SRGAP2B: variants seen among roughly 807,000 people sequenced by gnomAD.
SRGAP2B encodes the protein SLIT-ROBO Rho GTPase activating protein 2B, also known as SLIT-ROBO Rho GTPase-activating protein 2B.
A neutral mutation model predicts 22.2 loss-of-function variants in SRGAP2B; 9 were observed. The ratio of observed to expected loss-of-function variants is 0.41; its 90% CI spans 0.24 to 0.71. SRGAP2B has a LOEUF of 0.71. Ranked by LOEUF, SRGAP2B falls within the 30% of genes least tolerant of loss-of-function variation. The pLI, the probability that SRGAP2B is intolerant of heterozygous loss-of-function variation, is 0.35. For synonymous variants in SRGAP2B, 36 were observed against 87.4 expected (o/e 0.41, Z 3.28); for missense variants, 114 against 235.8 (o/e 0.48, Z 3.38).
At chr1:145,008,981 C>T (rs1203311667) in intron 2 of SRGAP2B, among the ~76,000 whole-genome samples, 1 of 148,850 alleles carries the variant, frequency 6.7e-6, no homozygotes, top group Non-Finnish European at 1.5e-5. Flanking sequence ...ACCATCCTGG[C>T]TAACACAGTG....
chr1:144,907,817 A>G (rs1307959986), intron 5 of SRGAP2B, among the ~76,000 whole-genome samples: 2 of 150,290 alleles, frequency 1.3e-5, no homozygotes, highest in Non-Finnish European at 2.9e-5. Context: ...GATCAGCTAG[A>G]GGCAGACGAA....
intron 4 of SRGAP2B, among the ~76,000 whole-genome samples, chr1:144,944,426 T>C (rs1280362904): frequency 1.3e-5 from 2 of 149,142 alleles, no homozygotes; most frequent in Middle Eastern, 3.4e-3. Context: ...CGAGACCCCA[T>C]CTCTAAAAAA....
intron 4 of SRGAP2B, among the ~76,000 whole-genome samples, chr1:144,923,039 A>G (rs2101786431): frequency 6.6e-6 from 1 of 151,044 alleles, no homozygotes; most frequent in South Asian, 2.1e-4. Context: ...GTCTCTTGTC[A>G]GGGACAGGCA....
At chr1:144,955,010 C>CT in intron 4 of SRGAP2B, among the ~76,000 whole-genome samples, 1 of 150,696 alleles carries the variant, frequency 6.6e-6, no homozygotes, top group Admixed American at 6.6e-5. Flanking sequence ...TCAAAAATCA[C>CT]TTTAAGAAAA....
intron 4 of SRGAP2B, among the ~76,000 whole-genome samples, chr1:144,920,800 G>C (rs1664189103): frequency 6.6e-6 from 1 of 150,804 alleles, no homozygotes; most frequent in Non-Finnish European, 1.5e-5. Flanking sequence ...ACATACAAAA[G>C]TCTGTACTTG....
chr1:144,969,892 A>G lies in SRGAP2B; in HGVS notation c.261-14291T>C, dbSNP rs587683483. Among the ~76,000 whole-genome samples, 121 of 151,030 alleles carry G rather than the reference A, an allele frequency of 8.0e-4. 3 individuals are homozygous for G. The highest frequency in any genetic ancestry group is 2.7e-3 in the African/African-American group (110 of 40,506). ...TTTATGCAGCCAAAAAACACATGAA[A>G]AAATGCTCATCATCACTGGCCATCA... is the stretch of plus-strand genomic sequence containing the variant. On this transcript the variant is annotated intron_variant, in intron 3 of 9. Coordinates refer to ENST00000612199, the Ensembl canonical transcript of SRGAP2B.
At chr1:145,031,651 TC>T (rs1553626094) in intron 2 of SRGAP2B, among the ~76,000 whole-genome samples, 1 of 141,246 alleles carries the variant, frequency 7.1e-6, no homozygotes, top group East Asian at 2.0e-4. Flanking sequence ...ATCGAGACCA[TC>T]CTGGCTAACA....
intron 2 of SRGAP2B, among the ~76,000 whole-genome samples, chr1:145,066,653 G>A (rs587721641): frequency 4.0e-5 from 6 of 151,610 alleles, no homozygotes; most frequent in African/African-American, 7.3e-5. Flanking sequence ...TACTGTGAGC[G>A]CCCAGGCCGT....
At chr1:145,022,986 G>A (rs1553624374) in intron 2 of SRGAP2B, among the ~76,000 whole-genome samples, 1 of 149,714 alleles carries the variant, frequency 6.7e-6, no homozygotes, top group Admixed American at 6.6e-5. Context: ...CAAATGTGGT[G>A]AAGCCCCGTC....
At chr1:144,981,186 C>A (rs1440662331) in intron 3 of SRGAP2B, among the ~76,000 whole-genome samples, 2 of 143,604 alleles carry the variant, frequency 1.4e-5, no homozygotes, top group Non-Finnish European at 3.0e-5. Context: ...AAAGTAAATT[C>A]ATTTAATTGG....
At chr1:144,967,539 G>C (rs1668179792) in intron 3 of SRGAP2B, among the ~76,000 whole-genome samples, 1 of 148,374 alleles carries the variant, frequency 6.7e-6, no homozygotes, top group Non-Finnish European at 1.5e-5. Context: ...AGAGAAAGCA[G>C]GAAAGATCCA....
chr1:145,042,654 A>C (rs2102356414), intron 2 of SRGAP2B, among the ~76,000 whole-genome samples: 1 of 33,452 alleles, frequency 3.0e-5, no homozygotes, highest in Non-Finnish European at 5.1e-5. Context: ...TTCCAGAGTC[A>C]TTCTGTTACC....
intron 2 of SRGAP2B, among the ~76,000 whole-genome samples, chr1:145,011,859 A>G (rs1672076553): frequency 6.7e-6 from 1 of 150,222 alleles, no homozygotes; most frequent in Admixed American, 6.6e-5. Context: ...ATGGCTTCCC[A>G]GTGGAGAAAA....
chr1:145,041,054 T>C (rs1389879675), intron 2 of SRGAP2B, among the ~76,000 whole-genome samples: 3 of 116,948 alleles, frequency 2.6e-5, no homozygotes, highest in African/African-American at 7.3e-5. Context: ...AAAAATATCA[T>C]TTGTTGCATG....
At chr1:144,965,263 G>A (rs1377473541) in intron 3 of SRGAP2B, 11 of 487,330 alleles carry the variant, frequency 2.3e-5, no homozygotes, top group Non-Finnish European at 3.8e-5. Flanking sequence ...GAAGAGAGCA[G>A]TGGTTCTCCC....
At position 145,039,516 on chromosome 1, in the gene SRGAP2B, C is replaced by T. The variant is rs587707458; in HGVS notation, c.68-44316G>A. ...AAAGATAAATGCAAATATGAATCAC[C>T]TACAGAATTAAAAGGCCACAAATGT... is the stretch of plus-strand genomic sequence containing the variant. On this transcript the variant is annotated intron_variant, in intron 2 of 9. Coordinates refer to ENST00000612199, the Ensembl canonical transcript of SRGAP2B. Among the ~76,000 whole-genome samples the T allele has an allele frequency of 2.8e-5, 4 of 144,858 alleles. No homozygotes were observed. The East Asian group carries it at 8.3e-4, about 30-fold the overall frequency.
chr1:145,041,074 A>AGT (rs1382521525), intron 2 of SRGAP2B, among the ~76,000 whole-genome samples: 8 of 73,356 alleles, frequency 1.1e-4, no homozygotes, highest in South Asian at 8.7e-4. Flanking sequence ...GTATATATAT[A>AGT]GTATATATAT....
chr1:144,983,056 C>A (rs1389147682), intron 3 of SRGAP2B, among the ~76,000 whole-genome samples: 6 of 149,266 alleles, frequency 4.0e-5, no homozygotes, highest in African/African-American at 1.3e-4. Flanking sequence ...AGGGAACAAA[C>A]AGCTCCCAAA....
chr1:144,980,645 C>T (rs587672210), intron 3 of SRGAP2B, among the ~76,000 whole-genome samples: 58 of 148,350 alleles, frequency 3.9e-4, no homozygotes, highest in South Asian at 1.1e-3. Flanking sequence ...CAAGGAGCAA[C>T]GACAGTGGAG....
Sources: gnomAD v4.1 joint callset for allele counts (sites outside exome capture counted in the v4.1 genomes callset) on GRCh38, gnomAD v4.1.1 for gene constraint, MANE v1.5 for transcripts, NCBI Gene and HGNC (gene_info 2026-07-23, HGNC 2026-07-21) for gene names.